Variants in GALNT10 observed in about 807,000 individuals in gnomAD.
The protein encoded by GALNT10 is polypeptide N-acetylgalactosaminyltransferase 10, also known as GalNAc transferase 10.
In GALNT10, 41 loss-of-function variants were observed where a neutral mutation model predicts 75.0. The ratio of observed to expected loss-of-function variants is 0.55; its 90% CI spans 0.43 to 0.71. The LOEUF (loss-of-function observed/expected upper bound fraction) is 0.71, where lower values mean the gene tolerates loss of function less well. Among genes scored for constraint, GALNT10 ranks in the 30% least tolerant of loss-of-function variants. GALNT10 has a pLI of 0.00. For missense variants in GALNT10, 727 were observed against 818.5 expected (o/e 0.89, Z 1.36); for synonymous variants, 302 against 313.0 (o/e 0.96, Z 0.37).
intron 4 of GALNT10, among the ~76,000 whole-genome samples, chr5:154,338,603 A>G (rs1754981800): frequency 6.6e-6 from 1 of 152,210 alleles, no homozygotes; most frequent in East Asian, 1.9e-4. Context: ...ATAGCTAGAT[A>G]ATATTCCATA....
At chr5:154,397,972 C>T (rs569208321) in intron 7 of GALNT10, among the ~76,000 whole-genome samples, 2 of 152,302 alleles carry the variant, frequency 1.3e-5, no homozygotes, top group South Asian at 2.1e-4. Flanking sequence ...GAGATAAGAG[C>T]GGGTAATTGT....
intron 1 of GALNT10, among the ~76,000 whole-genome samples, chr5:154,199,759 C>G (rs1774998001): frequency 6.6e-6 from 1 of 152,262 alleles, no homozygotes; most frequent in South Asian, 2.1e-4. Context: ...CTCCCTTGTA[C>G]TGGAGAGAGC....
chr5:154,395,810 G>A (rs1484995307), intron 7 of GALNT10, among the ~76,000 whole-genome samples: 1 of 152,170 alleles, frequency 6.6e-6, no homozygotes, highest in Non-Finnish European at 1.5e-5. Context: ...GGCTCCCAAG[G>A]TGTGAACCCT....
chr5:154,236,625 A>T (rs1308480841), intron 1 of GALNT10, among the ~76,000 whole-genome samples: 1 of 152,208 alleles, frequency 6.6e-6, no homozygotes, highest in Non-Finnish European at 1.5e-5. Flanking sequence ...AGGAATCAGG[A>T]TGTAATTTAT....
At chr5:154,348,826 T>C (rs183795236) in intron 4 of GALNT10, among the ~76,000 whole-genome samples, 50 of 152,312 alleles carry the variant, frequency 3.3e-4, no homozygotes, top group Middle Eastern at 3.4e-3. Context: ...TTTCAATGTC[T>C]TAATATCAGT....
rs529608942 is a variant in GALNT10 at position 154,326,142 on chromosome 5, C to T, written c.402-3430C>T. On this transcript the variant is annotated intron_variant, in intron 3 of 11. Transcript: ENST00000297107. The stretch of plus-strand genomic sequence containing the variant: ...TTTCCAGAGAAGATGTACAAATGGC[C>T]AATAGGCATATGGAAAGATACTCAA... Among the ~76,000 whole-genome samples, 5 of 151,364 alleles carry T rather than the reference C, an allele frequency of 3.3e-5. No homozygotes were observed. In the South Asian group the frequency reaches 8.3e-4, roughly 25 times the overall value.
At chr5:154,355,233 T>A (rs1755271380) in intron 4 of GALNT10, among the ~76,000 whole-genome samples, 1 of 152,058 alleles carries the variant, frequency 6.6e-6, no homozygotes, top group Non-Finnish European at 1.5e-5. Flanking sequence ...CTGTCCAACC[T>A]CCCTTCCTGC....
intron 3 of GALNT10, among the ~76,000 whole-genome samples, chr5:154,307,623 A>AAG (rs1224615330): frequency 2.1e-5 from 1 of 47,716 alleles, no homozygotes; most frequent in South Asian, 4.5e-4. Flanking sequence ...CCATCTCAAG[A>AAG]AAAAAAAAAA....
intron 4 of GALNT10, among the ~76,000 whole-genome samples, chr5:154,362,029 C>T (rs763336240): frequency 6.6e-6 from 1 of 152,188 alleles, no homozygotes; most frequent in Non-Finnish European, 1.5e-5. Flanking sequence ...CAAGATGCCT[C>T]TCCAGGGCTG....
chr5:154,262,226 G>A (rs1753708850), intron 1 of GALNT10, among the ~76,000 whole-genome samples: 1 of 150,696 alleles, frequency 6.6e-6, no homozygotes. Flanking sequence ...ATTAGGGAGG[G>A]GCCCAGACAG....
chr5:154,272,865 G>A (rs564020079), intron 1 of GALNT10, among the ~76,000 whole-genome samples: 1 of 152,250 alleles, frequency 6.6e-6, no homozygotes, highest in Admixed American at 6.5e-5. Flanking sequence ...TTTACAGACA[G>A]GGTCTCACTC....
chr5:154,305,081 C>T (rs954986776), intron 3 of GALNT10, among the ~76,000 whole-genome samples: 16 of 152,040 alleles, frequency 1.1e-4, no homozygotes, highest in African/African-American at 2.7e-4. Context: ...GCAGGAGGAT[C>T]GCTTAAGCCT....
chr5:154,338,264 CT>C, intron 4 of GALNT10: 2 of 696,208 alleles, frequency 2.9e-6, no homozygotes, highest in Admixed American at 1.9e-5. Context: ...CCCACAGCCC[CT>C]GGAGTGCTTG....
intron 1 of GALNT10, among the ~76,000 whole-genome samples, chr5:154,281,428 C>T (rs1354794934): frequency 5.3e-5 from 8 of 152,198 alleles, no homozygotes; most frequent in African/African-American, 1.9e-4. Flanking sequence ...AACTCATCAG[C>T]TCTACTAGCT....
At chr5:154,209,405 C>A (rs963512877) in intron 1 of GALNT10, among the ~76,000 whole-genome samples, 18 of 152,174 alleles carry the variant, frequency 1.2e-4, no homozygotes, top group African/African-American at 4.3e-4. Flanking sequence ...GGGTTTGGGG[C>A]TGAGAGGCAA....
chr5:154,261,476 A>G (rs1753697729), intron 1 of GALNT10, among the ~76,000 whole-genome samples: 1 of 152,138 alleles, frequency 6.6e-6, no homozygotes, highest in South Asian at 2.1e-4. Flanking sequence ...TTGGACACTA[A>G]AGTGCATTCA....
chr5:154,206,798 G>A (rs765689061), intron 1 of GALNT10, among the ~76,000 whole-genome samples: 2 of 152,240 alleles, frequency 1.3e-5, no homozygotes, highest in South Asian at 2.1e-4. Flanking sequence ...AGGCCAGGGA[G>A]GCTGGCCTGC....
intron 4 of GALNT10, among the ~76,000 whole-genome samples, chr5:154,364,500 T>C (rs1223534344): frequency 2.0e-5 from 3 of 151,984 alleles, no homozygotes; most frequent in African/African-American, 7.2e-5. Context: ...TTGGATTGGG[T>C]TGGGGTGTTT....
chr5:154,304,193 A>G (rs1295719171), intron 3 of GALNT10, among the ~76,000 whole-genome samples: 1 of 152,208 alleles, frequency 6.6e-6, no homozygotes, highest in Non-Finnish European at 1.5e-5. Context: ...ATATTCATGT[A>G]ATTAGGGTGT....
Sources: allele counts gnomAD v4.1 joint callset (sites outside exome capture counted in the v4.1 genomes callset), GRCh38; gene constraint gnomAD v4.1.1; transcripts MANE v1.5; gene names NCBI Gene and HGNC (gene_info 2026-07-23, HGNC 2026-07-21).